Variants in SHLD1 observed in about 807,000 individuals in gnomAD.
The protein encoded by SHLD1 is RINN1-REV7-interacting novel NHEJ regulator 3.
In SHLD1, 3 loss-of-function variants were observed where a neutral mutation model predicts 5.5. The ratio of observed to expected loss-of-function variants is 0.54; its 90% confidence interval spans 0.25 to 1.40. The LOEUF (loss-of-function observed/expected upper bound fraction) is 1.40, where lower values mean the gene tolerates loss of function less well. SHLD1 is among the 40% of genes most tolerant of loss of function. The probability of loss-of-function intolerance (pLI) is 0.15; values close to 1 mark genes in which losing one functional copy is unlikely to be tolerated. For synonymous variants in SHLD1, 92 were observed against 94.3 expected, an observed-to-expected ratio of 0.98 and a Z score of 0.14; for missense variants, 210 against 244.4, an observed-to-expected ratio of 0.86 and a Z score of 0.94.
At chr20:5,787,222 A>G (rs2087071828) in intron 2 of SHLD1, among the ~76,000 whole-genome samples, 1 of 152,176 alleles carries the variant, frequency 6.6e-6, no homozygotes, top group Non-Finnish European at 1.5e-5. Flanking sequence ...TTCTCACACC[A>G]GGTAGGATCC....
intron 2 of SHLD1, among the ~76,000 whole-genome samples, chr20:5,832,306 C>G (rs1410617720): frequency 2.0e-5 from 3 of 152,172 alleles, no homozygotes; most frequent in Non-Finnish European, 2.9e-5. Context: ...TTGTTAAAAG[C>G]TCCTCGGGCA....
intron 2 of SHLD1, among the ~76,000 whole-genome samples, chr20:5,808,778 A>T (rs181712979): frequency 6.6e-6 from 1 of 152,308 alleles, no homozygotes; most frequent in Admixed American, 6.5e-5. Context: ...AATATTAGTG[A>T]TTTAGTGGAT....
chr20:5,805,235 A>G (rs1600140041), intron 2 of SHLD1, among the ~76,000 whole-genome samples: 1 of 151,014 alleles, frequency 6.6e-6, no homozygotes. Context: ...TCGGCTTGCC[A>G]CGAACTCTGC....
At chr20:5,764,586 C>T (rs535860451) in intron 1 of SHLD1, among the ~76,000 whole-genome samples, 1 of 150,128 alleles carries the variant, frequency 6.7e-6, no homozygotes, top group Non-Finnish European at 1.5e-5. Context: ...GCAGTCCCAA[C>T]TACTCAGGAA....
At chr20:5,816,089 G>GAAAACAAAAAA (rs2087526851) in intron 2 of SHLD1, among the ~76,000 whole-genome samples, 1 of 86,308 alleles carries the variant, frequency 1.2e-5, no homozygotes, top group Non-Finnish European at 2.0e-5. Flanking sequence ...TCAAAAAAAC[G>GAAAACAAAAAA]AAAAAAAAAA....
chr20:5,791,033 C>A (rs531914206), intron 2 of SHLD1, among the ~76,000 whole-genome samples: 2 of 151,914 alleles, frequency 1.3e-5, no homozygotes, highest in African/African-American at 4.8e-5. Context: ...CAGGGTGGCA[C>A]GCACTTTTAG....
At chr20:5,821,626 G>A (rs565244666) in intron 2 of SHLD1, among the ~76,000 whole-genome samples, 83 of 150,990 alleles carry the variant, frequency 5.5e-4, no homozygotes, top group African/African-American at 2.0e-3. Context: ...CTCAAACATC[G>A]ATCATATCAG....
chr20:5,819,389 C>T (rs897396512), intron 2 of SHLD1, among the ~76,000 whole-genome samples: 8 of 152,348 alleles, frequency 5.3e-5, no homozygotes, highest in Admixed American at 3.9e-4. Flanking sequence ...TCATTCCAAA[C>T]TTTGCTTATT....
chr20:5,762,375 G>C (rs1051259943), intron 1 of SHLD1, among the ~76,000 whole-genome samples: 1 of 152,096 alleles, frequency 6.6e-6, no homozygotes, highest in Admixed American at 6.6e-5. Context: ...TGATGCCTAA[G>C]TCACTTCTAA....
intron 1 of SHLD1, among the ~76,000 whole-genome samples, chr20:5,753,846 C>T (rs373724841): frequency 2.6e-5 from 4 of 152,216 alleles, no homozygotes; most frequent in East Asian, 1.9e-4. Context: ...CCAACCTCAT[C>T]TTGCCCCAAA....
intron 2 of SHLD1, among the ~76,000 whole-genome samples, chr20:5,784,945 C>T (rs960484876): frequency 5.9e-5 from 9 of 152,192 alleles, no homozygotes; most frequent in Non-Finnish European, 1.3e-4. Flanking sequence ...TCTCAAGCCA[C>T]ACCTCCGGGG....
chr20:5,781,508 C>T (rs1283803004), intron 2 of SHLD1, among the ~76,000 whole-genome samples: 7 of 152,152 alleles, frequency 4.6e-5, no homozygotes, highest in African/African-American at 1.2e-4. Context: ...GACTGAGTCT[C>T]GCTCTGTTGT....
chr20:5,838,371 ACTT>A (rs1236343743), intron 2 of SHLD1, among the ~76,000 whole-genome samples: 2 of 152,180 alleles, frequency 1.3e-5, no homozygotes, highest in African/African-American at 4.8e-5. Flanking sequence ...GGAATAGAAA[ACTT>A]CTTTTTCATT....
rs564526384 is a variant in SHLD1 at position 5,763,183 on chromosome 20, G to A, written c.-4-9679G>A. Among the ~76,000 whole-genome samples the A allele has an allele frequency of 2.7e-5, 4 of 149,722 alleles. No homozygotes were observed. In the Admixed American group the frequency reaches 2.7e-4, roughly 10 times the overall value. ...TATCCAGGCGTAGTGGCGCATGCCT[G>A]TAATCCCAGCTACTCAGAAGGTTGA... is the stretch of plus-strand genomic sequence containing the variant. On this transcript the variant is annotated intron_variant, in intron 1 of 2. Transcript: ENST00000303142.
chr20:5,851,608 C>CA (rs1402511317), intron 2 of SHLD1, among the ~76,000 whole-genome samples: 1 of 150,282 alleles, frequency 6.7e-6, no homozygotes, highest in Non-Finnish European at 1.5e-5. Context: ...AAACATAAAA[C>CA]AAAAAAGAAG....
intron 1 of SHLD1, among the ~76,000 whole-genome samples, chr20:5,764,782 C>G (rs1044648176): frequency 1.3e-5 from 2 of 152,076 alleles, no homozygotes; most frequent in Admixed American, 6.6e-5. Flanking sequence ...TGTGATGAAG[C>G]AAGTCATAGA....
intron 2 of SHLD1, among the ~76,000 whole-genome samples, chr20:5,774,156 A>G (rs1985319370): frequency 6.6e-6 from 1 of 152,192 alleles, no homozygotes; most frequent in Non-Finnish European, 1.5e-5. Context: ...GTGAGCTGAG[A>G]TCGTGCCACT....
At chr20:5,844,799 A>ATATTTTTTT (rs1460082835) in intron 2 of SHLD1, among the ~76,000 whole-genome samples, 5 of 71,692 alleles carry the variant, frequency 7.0e-5, no homozygotes, top group East Asian at 3.7e-4. Flanking sequence ...ATATATATAT[A>ATATTTTTTT]TTTTTTTTTT....
chr20:5,798,590 C>T lies in SHLD1; in HGVS notation c.178+25547C>T, dbSNP rs184906142. Among the ~76,000 whole-genome samples the T allele has an allele frequency of 3.1e-3, 454 of 146,628 alleles. 4 individuals are homozygous for T. Among genetic ancestry groups the T allele is most frequent in the African/African-American group, 9.4e-3 (374 of 39,620 alleles). On this transcript the variant is annotated intron_variant, in intron 2 of 2. Coordinates refer to ENST00000303142, the MANE Select transcript of SHLD1 (RefSeq NM_152504.4). ...GTGCTGGGATTACAGGCGTAAGCCACTGCGCCTGGCCTAACATTTTAGTTT... is the reference window on the plus strand; with the variant it reads ...GTGCTGGGATTACAGGCGTAAGCCATTGCGCCTGGCCTAACATTTTAGTTT...
Sources: gnomAD v4.1 joint callset for allele counts (sites outside exome capture counted in the v4.1 genomes callset) on GRCh38, gnomAD v4.1.1 for gene constraint, MANE v1.5 for transcripts, NCBI Gene and HGNC (gene_info 2026-07-23, HGNC 2026-07-21) for gene names.